Variants in HMGCLL1 observed in about 807,000 individuals in gnomAD.
HMGCLL1 encodes 3-hydroxymethyl-3-methylglutaryl-CoA lyase, cytoplasmic.
A neutral mutation model predicts 39.1 loss-of-function variants in HMGCLL1; 36 were observed. The ratio of observed to expected loss-of-function variants is 0.92; its 90% CI spans 0.71 to 1.22. The LOEUF is 1.22. Ranked by LOEUF, HMGCLL1 falls within the 50% of genes most tolerant of loss-of-function variation. HMGCLL1 has a pLI of 0.00. For synonymous variants in HMGCLL1, 149 were observed against 144.0 expected (o/e 1.03, Z -0.25); for missense variants, 451 against 416.5 (o/e 1.08, Z -0.72).
chr6:55,530,626 A>C (rs922739803), intron 3 of HMGCLL1, among the ~76,000 whole-genome samples: 1 of 152,166 alleles, frequency 6.6e-6, no homozygotes, highest in African/African-American at 2.4e-5. Flanking sequence ...ATGTAAAACA[A>C]GTGAAACATT....
the HMGCLL1 span, among the ~76,000 whole-genome samples, chr6:55,669,911 A>G: frequency 1.3e-5 from 2 of 151,858 alleles, no homozygotes; most frequent in African/African-American, 4.8e-5. Flanking sequence ...GGGAGAGAAC[A>G]GACTCTAGAG....
the HMGCLL1 span, among the ~76,000 whole-genome samples, chr6:55,650,138 C>T: frequency 0.1 from 5,074 of 50,456 alleles, 312 homozygotes; most frequent in East Asian, 0.14. Flanking sequence ...TATATATACA[C>T]ACACACACAC....
intron 7 of HMGCLL1, among the ~76,000 whole-genome samples, chr6:55,463,022 T>C (rs1467343295): frequency 7.9e-6 from 1 of 126,132 alleles, no homozygotes; most frequent in Non-Finnish European, 1.6e-5. Context: ...TCTTTTCTTT[T>C]TTCTTTCTTT....
the HMGCLL1 span, among the ~76,000 whole-genome samples, chr6:55,659,685 T>C: frequency 6.6e-6 from 1 of 151,922 alleles, no homozygotes; most frequent in African/African-American, 2.4e-5. Context: ...TTTTGATGTG[T>C]TCATTTATTT....
chr6:55,639,191 T>A, the HMGCLL1 span, among the ~76,000 whole-genome samples: 6 of 152,004 alleles, frequency 3.9e-5, no homozygotes, highest in Non-Finnish European at 5.9e-5. Context: ...TAGTGCCATC[T>A]CAATAAATGT....
the HMGCLL1 span, among the ~76,000 whole-genome samples, chr6:55,606,501 G>A: frequency 6.6e-6 from 1 of 152,034 alleles, no homozygotes; most frequent in Non-Finnish European, 1.5e-5. Context: ...AATCAATGTT[G>A]CACAGGCTAT....
the HMGCLL1 span, among the ~76,000 whole-genome samples, chr6:55,646,428 T>A: frequency 6.6e-6 from 1 of 151,868 alleles, no homozygotes; most frequent in Non-Finnish European, 1.5e-5. Flanking sequence ...TTTGTTCTCC[T>A]AATTTTGGGT....
intron 3 of HMGCLL1, among the ~76,000 whole-genome samples, chr6:55,538,128 TATC>T (rs1769135846): frequency 2.0e-5 from 3 of 152,150 alleles, no homozygotes; most frequent in Admixed American, 2.0e-4. Flanking sequence ...TTTAAAAATC[TATC>T]ATCAATTTCC....
At chr6:55,525,177 G>A (rs369550898) in intron 3 of HMGCLL1, among the ~76,000 whole-genome samples, 5 of 146,438 alleles carry the variant, frequency 3.4e-5, no homozygotes, top group South Asian at 4.4e-4. Context: ...TGGTCTATGC[G>A]ACACCCACCG....
chr6:55,492,052 T>C lies in HMGCLL1; in HGVS notation c.795+3367A>G, dbSNP rs1344533615. Among the ~76,000 whole-genome samples, 5 of 152,264 alleles carry C rather than the reference T, an allele frequency of 3.3e-5. No homozygotes were observed. The East Asian group carries it at 9.7e-4, about 29-fold the overall frequency. ...ATAACTTTCATTTGTTTCCTATCAT[T>C]GTGGCTAAGTTTCCACTTATTACAT... On this transcript the variant is annotated intron_variant, in intron 7 of 8. Transcript: ENST00000274901.
chr6:55,636,005 C>A, the HMGCLL1 span, among the ~76,000 whole-genome samples: 1 of 152,062 alleles, frequency 6.6e-6, no homozygotes, highest in African/African-American at 2.4e-5. Context: ...AGTCCTCCAG[C>A]AGCATAATGA....
chr6:55,646,442 G>T, the HMGCLL1 span, among the ~76,000 whole-genome samples: 1 of 151,066 alleles, frequency 6.6e-6, no homozygotes, highest in Non-Finnish European at 1.5e-5. Context: ...TTTGGGTTTC[G>T]TTTGCTCTTG....
At chr6:55,487,826 T>TA (rs531924977) in intron 7 of HMGCLL1, among the ~76,000 whole-genome samples, 13 of 151,116 alleles carry the variant, frequency 8.6e-5, no homozygotes, top group Middle Eastern at 6.8e-3. Context: ...TTTTCAGTAT[T>TA]AAAAAAAAAT....
chr6:55,548,965 C>CA, intron 1 of HMGCLL1, among the ~76,000 whole-genome samples: 1 of 151,494 alleles, frequency 6.6e-6, no homozygotes, highest in East Asian at 1.9e-4. Context: ...AACAGAAAAA[C>CA]TTCTATGAAT....
the HMGCLL1 span, among the ~76,000 whole-genome samples, chr6:55,595,152 C>T: frequency 1.3e-5 from 2 of 152,188 alleles, no homozygotes; most frequent in African/African-American, 2.4e-5. Flanking sequence ...GAAGGTTGTA[C>T]TGACCACGTG....
At chr6:55,564,114 C>T (rs528028299) in intron 1 of HMGCLL1, among the ~76,000 whole-genome samples, 43 of 152,200 alleles carry the variant, frequency 2.8e-4, no homozygotes, top group African/African-American at 9.6e-4. Flanking sequence ...GCTCCTGAGA[C>T]TCCTCATTTC....
intron 7 of HMGCLL1, among the ~76,000 whole-genome samples, chr6:55,462,343 C>T (rs1287704356): frequency 6.6e-6 from 1 of 152,016 alleles, no homozygotes; most frequent in Admixed American, 6.6e-5. Context: ...CTATGCTCAC[C>T]ATGTATGCTC....
chr6:55,656,585 T>C, the HMGCLL1 span, among the ~76,000 whole-genome samples: 1 of 151,904 alleles, frequency 6.6e-6, no homozygotes. Context: ...AGTGGAAGAC[T>C]CGGAGTCTCT....
chr6:55,638,892 T>G, the HMGCLL1 span, among the ~76,000 whole-genome samples: 54 of 152,228 alleles, frequency 3.5e-4, no homozygotes, highest in Admixed American at 2.2e-3. Context: ...AACACTAAAT[T>G]TATACCATAT....
Sources: allele counts gnomAD v4.1 joint callset (sites outside exome capture counted in the v4.1 genomes callset), GRCh38; gene constraint gnomAD v4.1.1; transcripts MANE v1.5; gene names NCBI Gene and HGNC (gene_info 2026-07-23, HGNC 2026-07-21).